Variants in CHRNA5 observed in about 807,000 individuals in gnomAD.
CHRNA5 encodes cholinergic receptor nicotinic alpha 5 subunit, also known as neuronal acetylcholine receptor subunit alpha-5.
Under a neutral mutation model 41.2 loss-of-function variants are expected in CHRNA5, and 28 were observed. The ratio of observed to expected loss-of-function variants is 0.68; its 90% CI spans 0.50 to 0.93. CHRNA5 has a LOEUF of 0.93. Ranked by LOEUF, CHRNA5 falls within the 40% of genes least tolerant of loss-of-function variation. CHRNA5 has a pLI of 0.00. For synonymous variants in CHRNA5, 188 were observed against 205.8 expected (o/e 0.91, Z 0.74); for missense variants, 481 against 581.9 (o/e 0.83, Z 1.78).
chr15:78,567,194 A>G (rs554385463), intron 1 of CHRNA5, among the ~76,000 whole-genome samples: 2 of 151,548 alleles, frequency 1.3e-5, no homozygotes, highest in African/African-American at 4.9e-5. Context: ...CGGAGGTTAC[A>G]GTGAGCCGAG....
At chr15:78,594,362 A>T (rs551250137) in exon 6 of CHRNA5, 12 of 152,236 alleles carry the variant, frequency 7.9e-5, no homozygotes, top group African/African-American at 2.9e-4. Flanking sequence ...GTCCACTACA[A>T]TTACATGAAC....
intron 1 of CHRNA5, among the ~76,000 whole-genome samples, chr15:78,566,033 C>G (rs1279226182): frequency 6.6e-6 from 1 of 152,150 alleles, no homozygotes; most frequent in Non-Finnish European, 1.5e-5. Context: ...GGTGGGTTTT[C>G]TTTGTTGTTC....
intron 2 of CHRNA5, among the ~76,000 whole-genome samples, chr15:78,582,985 G>A (rs1183516934): frequency 6.6e-6 from 1 of 152,074 alleles, no homozygotes; most frequent in African/African-American, 2.4e-5. Flanking sequence ...GACCCTTTGT[G>A]AAATCTTTCC....
chr15:78,570,026 G>A (rs902120124), intron 1 of CHRNA5, among the ~76,000 whole-genome samples: 2 of 150,954 alleles, frequency 1.3e-5, no homozygotes, highest in East Asian at 4.0e-4. Flanking sequence ...CTCCATTTTG[G>A]CCAGGCTGGT....
chr15:78,576,400 C>A (rs1305157019), intron 1 of CHRNA5, among the ~76,000 whole-genome samples: 1 of 152,188 alleles, frequency 6.6e-6, no homozygotes, highest in East Asian at 1.9e-4. Context: ...TTTGCCTCGG[C>A]CTCCCAAAGT....
chr15:78,583,774 G>C (rs1390563786), intron 2 of CHRNA5, among the ~76,000 whole-genome samples: 1 of 152,108 alleles, frequency 6.6e-6, no homozygotes, highest in African/African-American at 2.4e-5. Context: ...TGTGGTTTGA[G>C]GTGTTAATTC....
At chr15:78,587,707 G>GT (rs1274557533) in intron 3 of CHRNA5, among the ~76,000 whole-genome samples, 1 of 152,032 alleles carries the variant, frequency 6.6e-6, no homozygotes, top group Non-Finnish European at 1.5e-5. Flanking sequence ...AAGGACTTTT[G>GT]TTTTTTTCTG....
chr15:78,588,493 A>AGAAAT lies in CHRNA5; in HGVS notation c.413+70_413+71insGAAAT. On this transcript the variant is annotated intron_variant, in intron 4 of 5. Transcript: ENST00000299565. This position sits in a 1 kb window ranked among gnomAD's most constrained non-coding sequence, Gnocchi z 4.1. ...ATTTGTATTTCTATTAGGCACTAAT[A>AGAAAT]ATTTTTCTCCCTTTTGAAATTGTTT... The AGAAAT allele has an allele frequency of 1.4e-6, 1 of 710,560 alleles. No homozygotes were observed. Among genetic ancestry groups the AGAAAT allele is most frequent in the Non-Finnish European group, 2.1e-6 (1 of 466,114 alleles). The allele number at this position is 710,560 out of a possible 1,614,324, so 44.0% of individuals were successfully genotyped here. A position where few individuals can be genotyped will look rare whatever the true frequency, so the allele number is the denominator to read the frequency against.
At chr15:78,593,164 A>G (rs200357731) in exon 6 of CHRNA5, 1 of 1,613,868 alleles carries the variant, frequency 6.2e-7, no homozygotes, top group Non-Finnish European at 8.5e-7. Context: ...TTTCGTTTCA[A>G]TTGTTGGATC....
intron 5 of CHRNA5, chr15:78,591,117 TC>T: frequency 6.5e-6 from 1 of 154,952 alleles, no homozygotes; most frequent in Non-Finnish European, 1.4e-5. Context: ...ATGCCTGTAA[TC>T]CCACCACTTT....
chr15:78,583,130 A>T (rs866990544), intron 2 of CHRNA5, among the ~76,000 whole-genome samples: 1 of 152,042 alleles, frequency 6.6e-6, no homozygotes, highest in Non-Finnish European at 1.5e-5. Flanking sequence ...TATTCCTTGT[A>T]TCTGTCCCAG....
chr15:78,583,549 G>T (rs577436003), intron 2 of CHRNA5, among the ~76,000 whole-genome samples: 8 of 152,256 alleles, frequency 5.3e-5, no homozygotes, highest in African/African-American at 1.4e-4. Context: ...AAAAAAATTA[G>T]CTGGGCATGG....
At chr15:78,580,894 C>T in exon 2 of CHRNA5, 1 of 1,613,978 alleles carries the variant, frequency 6.2e-7, no homozygotes, top group Non-Finnish European at 8.5e-7. Flanking sequence ...ATGGGTTCGT[C>T]CTGTGGAACA....
intron 1 of CHRNA5, among the ~76,000 whole-genome samples, chr15:78,568,355 T>C (rs982294801): frequency 6.6e-6 from 1 of 152,220 alleles, no homozygotes; most frequent in Non-Finnish European, 1.5e-5. Flanking sequence ...TTATGGAAGT[T>C]AGATAGTCAT....
At chr15:78,595,186 T>A (rs948751938) in exon 6 of CHRNA5, 1 of 633,240 alleles carries the variant, frequency 1.6e-6, no homozygotes, top group East Asian at 1.4e-4. Flanking sequence ...GCCAGCTACC[T>A]ACCTTAGTTC....
chr15:78,576,229 C>T (rs1481852374), intron 1 of CHRNA5, among the ~76,000 whole-genome samples: 1 of 152,142 alleles, frequency 6.6e-6, no homozygotes, highest in Non-Finnish European at 1.5e-5. Context: ...TCACTGCAAC[C>T]TCTGCCTCCC....
At chr15:78,586,783 T>A in intron 3 of CHRNA5, 94 bp downstream of exon 3, 1 of 922,702 alleles carries the variant, frequency 1.1e-6, no homozygotes. Flanking sequence ...AGTATGTATA[T>A]TTGTGAATAC....
intron 1 of CHRNA5, among the ~76,000 whole-genome samples, chr15:78,570,424 A>ATTTTTTTTTTGTTTTTTTTTTTTT (rs2052791913): frequency 1.6e-5 from 1 of 64,184 alleles, no homozygotes; most frequent in East Asian, 8.0e-4. Flanking sequence ...AATCCCGGCT[A>ATTTTTTTTTTGTTTTTTTTTTTTT]TTTTTTTTTT....
intron 2 of CHRNA5, 83 bp from the exon 3 acceptor site, chr15:78,586,562 T>C: frequency 1.2e-6 from 1 of 826,384 alleles, no homozygotes; most frequent in Non-Finnish European, 2.0e-6. Context: ...AGAGTGTTTA[T>C]ATAACAATGT....
Sources: allele counts gnomAD v4.1 joint callset (sites outside exome capture counted in the v4.1 genomes callset), GRCh38; gene constraint gnomAD v4.1.1; non-coding constraint Gnocchi (gnomAD v3.1); transcripts MANE v1.5; gene names NCBI Gene and HGNC (gene_info 2026-07-23, HGNC 2026-07-21).